JAKMIP3: variants seen among roughly 807,000 people sequenced by gnomAD.
JAKMIP3 encodes Janus kinase and microtubule interacting protein 3.
Under a neutral mutation model 118.5 loss-of-function variants are expected in JAKMIP3, and 58 were observed. The observed-to-expected ratio is 0.49, with a 90% CI of 0.40 to 0.61. The LOEUF (loss-of-function observed/expected upper bound fraction) is 0.61. JAKMIP3 is among the 20% of genes least tolerant of loss of function. The probability of loss-of-function intolerance (pLI) is 0.00; values close to 1 mark genes in which losing one functional copy is unlikely to be tolerated. For missense variants in JAKMIP3, 950 were observed against 1,109.0 expected (o/e 0.86, Z 2.04); for synonymous variants, 486 against 451.2 (o/e 1.08, Z -0.98).
intron 1 of JAKMIP3, among the ~76,000 whole-genome samples, chr10:132,073,632 G>A (rs184150939): frequency 1.3e-4 from 20 of 151,962 alleles, no homozygotes; most frequent in Admixed American, 1.3e-3. Flanking sequence ...AAGTAGCTTG[G>A]ACTATAGGTG....
At chr10:132,174,895 C>G (rs923257615) in intron 23 of JAKMIP3, among the ~76,000 whole-genome samples, 3 of 152,112 alleles carry the variant, frequency 2.0e-5, no homozygotes, top group Non-Finnish European at 4.4e-5. Context: ...GATTTTCCAT[C>G]CTTATACCTT....
At chr10:132,059,643 G>A (rs958237663) in intron 1 of JAKMIP3, among the ~76,000 whole-genome samples, 5 of 152,206 alleles carry the variant, frequency 3.3e-5, no homozygotes, top group East Asian at 1.9e-4. Flanking sequence ...ATGCCAGAGC[G>A]GCCTTGGAGG....
At chr10:132,157,866 T>A (rs2057283358) in intron 19 of JAKMIP3, among the ~76,000 whole-genome samples, 2 of 152,116 alleles carry the variant, frequency 1.3e-5, no homozygotes, top group South Asian at 2.1e-4. Context: ...TATCAAACAC[T>A]GTTTTGAGGG....
At chr10:132,071,141 C>T (rs935217397) in intron 1 of JAKMIP3, among the ~76,000 whole-genome samples, 3 of 147,602 alleles carry the variant, frequency 2.0e-5, no homozygotes, top group African/African-American at 7.6e-5. Context: ...TTTCTTCTTT[C>T]ACCTATGGGT....
intron 1 of JAKMIP3, among the ~76,000 whole-genome samples, chr10:132,050,888 C>T (rs1195119931): frequency 2.0e-5 from 3 of 152,080 alleles, no homozygotes; most frequent in African/African-American, 7.2e-5. Flanking sequence ...GAGTGGGTAC[C>T]TGCCTGTCTT....
chr10:132,160,501 GGCC>G (rs2058031485), intron 19 of JAKMIP3, among the ~76,000 whole-genome samples: 1 of 39,110 alleles, frequency 2.6e-5, no homozygotes, highest in Non-Finnish European at 4.5e-5. Flanking sequence ...ATGCTGGGGG[GGCC>G]TCTCCCTGTG....
chr10:132,110,870 T>C (rs899944825), intron 2 of JAKMIP3, among the ~76,000 whole-genome samples: 5 of 152,216 alleles, frequency 3.3e-5, no homozygotes, highest in Non-Finnish European at 7.4e-5. Context: ...AGGTGCAGCG[T>C]GGGCTCCTTT....
chr10:132,144,083 C>G (rs1489529567), intron 11 of JAKMIP3: 1 of 150,782 alleles, frequency 6.6e-6, no homozygotes, highest in Admixed American at 6.6e-5. Context: ...ACCCTGCGTC[C>G]TGTCCCGAAA....
rs796151555 is a variant in JAKMIP3, at chr10:132,134,975, G to A, written c.850-66G>A. 1.9e-6 allele frequency: 3 copies of A among 1,587,932 alleles called. No individual in the cohort carries two copies. In the African/African-American group the frequency reaches 4.0e-5, roughly 21 times the overall value. On this transcript the variant is annotated intron_variant, in intron 4 of 23. Coordinates refer to ENST00000684848, the MANE Select transcript of JAKMIP3 (RefSeq NM_001323087.2). ...AGCGTTTTTGTTCCCGTAGCGTGCT[G>A]GGATTTGCAAAGGCTTCCCAGGCTT...
intron 23 of JAKMIP3, among the ~76,000 whole-genome samples, chr10:132,169,456 C>T (rs1007951458): frequency 8.5e-5 from 13 of 152,206 alleles, no homozygotes; most frequent in South Asian, 2.1e-4. Flanking sequence ...TCTGGGGAGG[C>T]GACTCTGGGT....
intron 1 of JAKMIP3, among the ~76,000 whole-genome samples, chr10:132,077,576 G>C (rs2041029513): frequency 6.6e-6 from 1 of 152,242 alleles, no homozygotes; most frequent in Non-Finnish European, 1.5e-5. Flanking sequence ...TGATTATGTA[G>C]ATGAGGTGGC....
intron 23 of JAKMIP3, among the ~76,000 whole-genome samples, chr10:132,178,060 C>T (rs779095326): frequency 2.6e-5 from 4 of 152,250 alleles, no homozygotes; most frequent in African/African-American, 4.8e-5. Context: ...CGCTTCTGTG[C>T]ACCCACTTCA....
chr10:132,071,936 C>CT (rs1370672345), intron 1 of JAKMIP3, among the ~76,000 whole-genome samples: 2 of 136,214 alleles, frequency 1.5e-5, no homozygotes, highest in African/African-American at 5.3e-5. Context: ...CCTTTCTTTC[C>CT]TTTTTTTCCT....
At chr10:132,167,263 A>C (rs2059003705) in intron 22 of JAKMIP3, among the ~76,000 whole-genome samples, 1 of 152,156 alleles carries the variant, frequency 6.6e-6, no homozygotes, top group African/African-American at 2.4e-5. Context: ...GGAGTCTTCC[A>C]CTGTAGAGGC....
chr10:132,053,816 C>CTT, intron 1 of JAKMIP3, among the ~76,000 whole-genome samples: 1 of 151,754 alleles, frequency 6.6e-6, no homozygotes, highest in South Asian at 2.1e-4. Flanking sequence ...GGGCAGATCA[C>CTT]GAGGTCAGGA....
In JAKMIP3 at chr10:132,177,473, CTG is replaced by C. The variant is rs558172738; in HGVS notation, c.*1104-4881_*1104-4880del. 4.8e-3 allele frequency among the ~76,000 whole-genome samples: 720 copies of C among 149,876 alleles called. 3 individuals are homozygous for C. The highest frequency in any genetic ancestry group is 0.017 in the African/African-American group (677 of 41,008). On this transcript the variant is annotated intron_variant, in intron 23 of 23. Coordinates refer to ENST00000684848, the MANE Select transcript of JAKMIP3 (RefSeq NM_001323087.2). ...GGTAGTGTGCATGTGTGTGTGCACA[CTG>C]TGCATTTGGTCGTGGTGTGTATACA...
chr10:132,104,493 G>A (rs192388586), intron 1 of JAKMIP3, among the ~76,000 whole-genome samples, 179 bp from the exon 2 acceptor site: 2 of 152,342 alleles, frequency 1.3e-5, no homozygotes, highest in African/African-American at 2.4e-5. Flanking sequence ...GGCACCATAT[G>A]GCGGGCAGAT....
chr10:132,130,072 G>C (rs2050283318), intron 3 of JAKMIP3, among the ~76,000 whole-genome samples: 1 of 151,952 alleles, frequency 6.6e-6, no homozygotes, highest in Non-Finnish European at 1.5e-5. Flanking sequence ...GGACATCAAG[G>C]GGCTTGGGCT....
intron 2 of JAKMIP3, among the ~76,000 whole-genome samples, chr10:132,116,420 AGT>A (rs1377111172): frequency 1.6e-5 from 2 of 122,422 alleles, no homozygotes; most frequent in Non-Finnish European, 3.3e-5. Flanking sequence ...TTCAGGTGTG[AGT>A]GTGTGCAACG....
Sources: gnomAD v4.1 joint callset for allele counts (sites outside exome capture counted in the v4.1 genomes callset) on GRCh38, gnomAD v4.1.1 for gene constraint, MANE v1.5 for transcripts, NCBI Gene and HGNC (gene_info 2026-07-23, HGNC 2026-07-21) for gene names.